Variants in ERC1 observed in about 807,000 individuals in gnomAD.
ERC1 encodes ELKS/RAB6-interacting/CAST family member 1.
In ERC1, 56 loss-of-function variants were observed where a neutral mutation model predicts 132.0. The ratio of observed to expected loss-of-function variants is 0.42; its 90% confidence interval spans 0.34 to 0.53. ERC1 has a LOEUF of 0.53. Among genes scored for constraint, ERC1 ranks in the 20% least tolerant of loss-of-function variants. The pLI is 0.03. For missense variants in ERC1, 1,202 were observed against 1,349.9 expected, an observed-to-expected ratio of 0.89 and a Z score of 1.72; for synonymous variants, 478 against 476.1, an observed-to-expected ratio of 1.00 and a Z score of -0.05.
At chr12:1,180,808 G>T in intron 9 of ERC1, 131 bp downstream of exon 9, 1 of 1,085,110 alleles carries the variant, frequency 9.2e-7, no homozygotes, top group Non-Finnish European at 1.3e-6. Flanking sequence ...GCTGACATAC[G>T]TAGTGTGAAG....
At chr12:1,212,471 T>G (rs1957967595) in intron 12 of ERC1, among the ~76,000 whole-genome samples, 1 of 152,156 alleles carries the variant, frequency 6.6e-6, no homozygotes, top group Non-Finnish European at 1.5e-5. Context: ...ATAGCACTTG[T>G]TATATACTGT....
chr12:1,206,166 T>C (rs1050287510), intron 12 of ERC1, among the ~76,000 whole-genome samples: 6 of 152,128 alleles, frequency 3.9e-5, no homozygotes, highest in African/African-American at 1.4e-4. Flanking sequence ...AAGTTTAAAG[T>C]CTCTCTTCAT....
chr12:1,304,807 T>A (rs2080722739), intron 15 of ERC1, among the ~76,000 whole-genome samples: 1 of 135,860 alleles, frequency 7.4e-6, no homozygotes, highest in South Asian at 2.3e-4. Flanking sequence ...TTTTTTTTTT[T>A]GAGACGGAGT....
At chr12:1,118,568 G>T (rs1040862346) in intron 7 of ERC1, among the ~76,000 whole-genome samples, 1 of 152,202 alleles carries the variant, frequency 6.6e-6, no homozygotes, top group African/African-American at 2.4e-5. Flanking sequence ...AAAGATAAAA[G>T]AATGAAAGCT....
In ERC1 at chr12:1,493,908, G is replaced by T; in HGVS notation, c.*3678G>T. 2 of 231,198 alleles carry T rather than the reference G, an allele frequency of 8.7e-6. No individual in the cohort carries two copies. The highest frequency in any genetic ancestry group is 1.7e-5 in the Non-Finnish European group (2 of 116,796). The allele number at this position is 231,198 out of a possible 1,614,324, so 14.3% of individuals were successfully genotyped here. ...CCCTCCGCTATTGAGGGTCAGGGTT[G>T]TGAGGCAACCATCATGTGTCACCCC... On this transcript the variant is annotated 3_prime_UTR_variant, in exon 19 of 19. Coordinates refer to ENST00000360905, the MANE Select transcript of ERC1 (RefSeq NM_178040.4).
intron 18 of ERC1, among the ~76,000 whole-genome samples, chr12:1,452,614 GT>G (rs142662908): frequency 1.4e-3 from 220 of 151,850 alleles, no homozygotes; most frequent in African/African-American, 5.0e-3. Flanking sequence ...TTGGATTTCT[GT>G]TTTGTTTTGT....
chr12:1,147,085 C>T (rs1486811576), intron 8 of ERC1, among the ~76,000 whole-genome samples: 11 of 152,128 alleles, frequency 7.2e-5, no homozygotes, highest in South Asian at 2.1e-4. Context: ...AATAAACATA[C>T]GTGTGCATGT....
At chr12:1,067,116 A>T (rs1487661473) in intron 2 of ERC1, among the ~76,000 whole-genome samples, 3 of 152,144 alleles carry the variant, frequency 2.0e-5, no homozygotes, top group African/African-American at 4.8e-5. Flanking sequence ...CCAAAACATA[A>T]GTTTTATGAT....
intron 7 of ERC1, among the ~76,000 whole-genome samples, chr12:1,131,563 A>C (rs4391866): frequency 6.6e-6 from 1 of 151,882 alleles, no homozygotes; most frequent in Admixed American, 6.6e-5. Flanking sequence ...CCGGGTTCGC[A>C]CCATTCTCCT....
At chr12:1,377,484 A>G (rs190551137) in intron 16 of ERC1, among the ~76,000 whole-genome samples, 3 of 152,372 alleles carry the variant, frequency 2.0e-5, no homozygotes, top group Non-Finnish European at 4.4e-5. Flanking sequence ...ACACGATTCA[A>G]TGCTCTGTCC....
At chr12:1,143,925 G>A (rs1349629467) in intron 8 of ERC1, among the ~76,000 whole-genome samples, 1 of 151,364 alleles carries the variant, frequency 6.6e-6, no homozygotes, top group Non-Finnish European at 1.5e-5. Context: ...TATCAGTTTT[G>A]TACTTAGTCA....
chr12:1,491,423 C>T lies in ERC1; in HGVS notation c.*1193C>T, dbSNP rs185592647. On this transcript the variant is annotated 3_prime_UTR_variant, in exon 19 of 19. Transcript: ENST00000360905. ...CATTCAGAGAATATTTATGAAATGCCTACTGTGTGCAAGTCATCCATCCTT... is the reference window on the plus strand; with the variant it reads ...CATTCAGAGAATATTTATGAAATGCTTACTGTGTGCAAGTCATCCATCCTT... The T allele has an allele frequency of 4.3e-6, 1 of 230,736 alleles. No individual in the cohort carries two copies. Among genetic ancestry groups the T allele is most frequent in the African/African-American group, 2.2e-5 (1 of 45,212 alleles). The allele number at this position is 230,736 out of a possible 1,614,324, so 14.3% of individuals were successfully genotyped here.
intron 15 of ERC1, among the ~76,000 whole-genome samples, chr12:1,316,405 C>T (rs2081727902): frequency 6.6e-6 from 1 of 151,814 alleles, no homozygotes; most frequent in South Asian, 2.1e-4. Context: ...GCTCTGTTAA[C>T]CTGTTTAGTT....
rs377132823 is a variant in ERC1 at position 1,028,029 on chromosome 12, G to A, written c.126G>A (p.Ser42=). The A allele has an allele frequency of 3.6e-5, 58 of 1,614,024 alleles. No individual in the cohort carries two copies. The highest frequency in any genetic ancestry group is 2.0e-4 in the Admixed American group (12 of 59,992). ...GAACCAACAGTACGGGAGGGAGTTC[G>A]GGAAGCAGTGTTGGAGGTGGCAGTG... is the stretch of plus-strand genomic sequence containing the variant. The part of the protein sequence containing the change: ...HRRTNSTGGS[S]GSSVGGGSGK... The change falls in exon 2 of 19, where the codon TCG becomes TCA. Residue 42 remains serine (S), a synonymous_variant. Transcript: ENST00000360905.
chr12:1,123,720 C>A (rs1318601861), intron 7 of ERC1, among the ~76,000 whole-genome samples: 1 of 152,178 alleles, frequency 6.6e-6, no homozygotes, highest in Admixed American at 6.5e-5. Flanking sequence ...GCGGGCCGGG[C>A]GCGGCAGCCC....
intron 12 of ERC1, among the ~76,000 whole-genome samples, chr12:1,196,870 CTCTCTCTCTG>C (rs1956315624): frequency 2.8e-5 from 4 of 143,060 alleles, no homozygotes; most frequent in Non-Finnish European, 4.6e-5. Context: ...CTCTCTCTCT[CTCTCTCTCTG>C]TCTGTCTGTC....
At chr12:1,301,249 T>C (rs1462837491) in intron 15 of ERC1, among the ~76,000 whole-genome samples, 1 of 152,184 alleles carries the variant, frequency 6.6e-6, no homozygotes, top group East Asian at 1.9e-4. Context: ...GTGTATATAG[T>C]ACTCAGTTGA....
intron 16 of ERC1, among the ~76,000 whole-genome samples, chr12:1,400,669 C>T (rs2090943729): frequency 6.6e-6 from 1 of 152,032 alleles, no homozygotes; most frequent in Non-Finnish European, 1.5e-5. Context: ...TGTCCCACAC[C>T]ATGGGATGAA....
At chr12:1,111,322 ATT>A (rs1945834198) in intron 5 of ERC1, among the ~76,000 whole-genome samples, 1 of 152,208 alleles carries the variant, frequency 6.6e-6, no homozygotes, top group African/African-American at 2.4e-5. Context: ...TTGTGGTTTC[ATT>A]AAACATTATG....
Sources: allele counts gnomAD v4.1 joint callset (sites outside exome capture counted in the v4.1 genomes callset), GRCh38; gene constraint gnomAD v4.1.1; transcripts MANE v1.5; gene names NCBI Gene and HGNC (gene_info 2026-07-23, HGNC 2026-07-21).